EPHA6: variants seen among roughly 807,000 people sequenced by gnomAD.
The protein encoded by EPHA6 is ephrin type-A receptor 6.
EPHA6 carries 50 observed loss-of-function variants against 112.0 expected under a neutral mutation model. The ratio of observed to expected loss-of-function variants is 0.45; its 90% CI spans 0.36 to 0.56. The LOEUF (loss-of-function observed/expected upper bound fraction) is 0.56. Ranked by LOEUF, EPHA6 falls within the 20% of genes least tolerant of loss-of-function variation. The probability of loss-of-function intolerance (pLI) is 0.00; values close to 1 mark genes in which losing one functional copy is unlikely to be tolerated. For synonymous variants in EPHA6, 529 were observed against 490.7 expected (o/e 1.08, Z -1.03); for missense variants, 1,280 against 1,417.4 (o/e 0.90, Z 1.56).
chr3:97,658,151 C>A (rs1033951273), intron 14 of EPHA6, among the ~76,000 whole-genome samples: 1 of 151,810 alleles, frequency 6.6e-6, no homozygotes, highest in Non-Finnish European at 1.5e-5. Context: ...CACCCACACA[C>A]TTTTAGTTTC....
rs148522705 is a variant in EPHA6, at chr3:97,734,393, A to G, written c.2935-1532A>G. ...TCCTGCCTTAATAAAACATGTAACA[A>G]AATCTTAAAACCCAAGCCTAGTTGC... is the stretch of plus-strand genomic sequence containing the variant. On this transcript the variant is annotated intron_variant, in intron 15 of 17. Transcript: ENST00000389672. 3.5e-3 allele frequency among the ~76,000 whole-genome samples: 527 copies of G among 152,166 alleles called. 1 individual carries two copies. The highest frequency in any genetic ancestry group is 0.011 in the African/African-American group (477 of 41,568).
chr3:97,202,232 A>G (rs538304899), intron 3 of EPHA6, among the ~76,000 whole-genome samples: 5 of 152,092 alleles, frequency 3.3e-5, no homozygotes, highest in Non-Finnish European at 7.4e-5. Flanking sequence ...GATAATATTT[A>G]TAGTAGAGCT....
At chr3:97,017,937 G>A (rs2044319855) in intron 3 of EPHA6, among the ~76,000 whole-genome samples, 1 of 150,276 alleles carries the variant, frequency 6.7e-6, no homozygotes, top group African/African-American at 2.4e-5. Flanking sequence ...TTATTCTTCT[G>A]AGGCTATTTT....
At chr3:97,213,496 A>T (rs967299448) in intron 3 of EPHA6, among the ~76,000 whole-genome samples, 1 of 152,162 alleles carries the variant, frequency 6.6e-6, no homozygotes, top group African/African-American at 2.4e-5. Flanking sequence ...ATTCTCTCTG[A>T]GCATTATGAG....
chr3:97,099,493 TTG>T (rs72125220), intron 3 of EPHA6, among the ~76,000 whole-genome samples: 31,905 of 151,776 alleles, frequency 0.21, 4,746 homozygotes, highest in African/African-American at 0.4. Flanking sequence ...CTTTTACTAA[TTG>T]TGATAGTGTG....
intron 2 of EPHA6, among the ~76,000 whole-genome samples, chr3:96,877,308 C>T (rs1196083238): frequency 2.0e-5 from 3 of 152,046 alleles, no homozygotes; most frequent in Admixed American, 6.6e-5. Flanking sequence ...TCCATTTTCT[C>T]ACTATTCTCT....
intron 5 of EPHA6, among the ~76,000 whole-genome samples, chr3:97,365,395 A>C (rs1015863388): frequency 1.3e-5 from 2 of 151,452 alleles, no homozygotes; most frequent in Non-Finnish European, 2.9e-5. Context: ...AATCATAAAG[A>C]CTTTTTTTTT....
chr3:97,324,527 TTCTTTCTC>T (rs1553746478), intron 5 of EPHA6, among the ~76,000 whole-genome samples: 4 of 142,026 alleles, frequency 2.8e-5, no homozygotes, highest in South Asian at 2.3e-4. Context: ...CTTTCTTTCT[TTCTTTCTC>T]TCTTTCTCTC....
At chr3:97,725,600 T>A (rs1030141245) in intron 15 of EPHA6, among the ~76,000 whole-genome samples, 1 of 152,188 alleles carries the variant, frequency 6.6e-6, no homozygotes, top group African/African-American at 2.4e-5. Context: ...AGGCAGCAGA[T>A]GTTATTGAAA....
chr3:96,835,881 G>A (rs2034381657), intron 1 of EPHA6, among the ~76,000 whole-genome samples: 1 of 152,040 alleles, frequency 6.6e-6, no homozygotes, highest in Admixed American at 6.6e-5. Flanking sequence ...CGTCATTTCT[G>A]AATGGAGATG....
chr3:97,060,428 G>A (rs2108118854), intron 3 of EPHA6, among the ~76,000 whole-genome samples: 1 of 152,218 alleles, frequency 6.6e-6, no homozygotes, highest in South Asian at 2.1e-4. Flanking sequence ...ATATTACAGT[G>A]AGAACTTACT....
chr3:97,576,690 G>A (rs561454517), intron 11 of EPHA6, among the ~76,000 whole-genome samples: 17 of 152,080 alleles, frequency 1.1e-4, no homozygotes, highest in East Asian at 1.9e-4. Flanking sequence ...AACCTCTTTC[G>A]TGTATAAAAC....
intron 3 of EPHA6, among the ~76,000 whole-genome samples, chr3:97,173,965 TTA>T (rs2076765144): frequency 6.6e-6 from 1 of 151,654 alleles, no homozygotes; most frequent in Admixed American, 6.6e-5. Context: ...CTTTCAAACA[TTA>T]TGTCTTATTC....
chr3:97,103,852 G>A (rs1272000710), intron 3 of EPHA6, among the ~76,000 whole-genome samples: 5 of 151,906 alleles, frequency 3.3e-5, no homozygotes, highest in Non-Finnish European at 7.4e-5. Flanking sequence ...TCCTTGTAGA[G>A]CTTTTTCACC....
chr3:97,091,921 G>GTA (rs2047078161), intron 3 of EPHA6, among the ~76,000 whole-genome samples: 3 of 151,662 alleles, frequency 2.0e-5, no homozygotes, highest in African/African-American at 7.3e-5. Flanking sequence ...TGTAGTATCT[G>GTA]GCCTGAACAT....
chr3:97,130,705 C>T (rs1459604593), intron 3 of EPHA6, among the ~76,000 whole-genome samples: 1 of 152,084 alleles, frequency 6.6e-6, no homozygotes, highest in East Asian at 1.9e-4. Context: ...ATTCATCTGA[C>T]ATTAGGGGAA....
intron 11 of EPHA6, among the ~76,000 whole-genome samples, chr3:97,568,335 C>T (rs1038486022): frequency 2.6e-5 from 4 of 152,154 alleles, no homozygotes; most frequent in Admixed American, 1.3e-4. Flanking sequence ...TATGCACTGC[C>T]GTAGGAGTGA....
chr3:97,747,720 G>A, intron 17 of EPHA6, 148 bp downstream of exon 17: 1 of 566,380 alleles, frequency 1.8e-6, no homozygotes, highest in Non-Finnish European at 2.7e-6. Context: ...AGTGGAAGTT[G>A]GACATTACAC....
intron 3 of EPHA6, among the ~76,000 whole-genome samples, chr3:97,116,329 A>G (rs758393906): frequency 3.1e-4 from 47 of 151,686 alleles, no homozygotes; most frequent in Non-Finnish European, 6.2e-4. Context: ...ACATATCTAT[A>G]ACTTCACATA....
Sources: gnomAD v4.1 joint callset for allele counts (sites outside exome capture counted in the v4.1 genomes callset) on GRCh38, gnomAD v4.1.1 for gene constraint, MANE v1.5 for transcripts, NCBI Gene and HGNC (gene_info 2026-07-23, HGNC 2026-07-21) for gene names.